RYR2: variants seen among roughly 807,000 people sequenced by gnomAD.
RYR2 encodes the protein cardiac muscle ryanodine receptor-calcium release channel.
Under a neutral mutation model 601.1 loss-of-function variants are expected in RYR2, and 227 were observed. That is an observed-to-expected ratio of 0.38 (90% confidence interval 0.34 to 0.42). The LOEUF is 0.42. Among genes scored for constraint, RYR2 ranks in the 10% least tolerant of loss-of-function variants. The pLI is 1.00. For missense variants in RYR2, 4,646 were observed against 6,156.5 expected (o/e 0.75, Z 8.21); for synonymous variants, 2,223 against 2,175.1 (o/e 1.02, Z -0.61).
chr1:237,288,377 A>G (rs1331385508), intron 2 of RYR2, among the ~76,000 whole-genome samples: 1 of 151,924 alleles, frequency 6.6e-6, no homozygotes, highest in African/African-American at 2.4e-5. Flanking sequence ...AGAGCTCCCA[A>G]GATTATATGT....
rs369607758 is a variant in RYR2, at chr1:237,128,061, C to T, written c.48+85492C>T. On this transcript the variant is annotated intron_variant, in intron 1 of 104. Transcript: ENST00000366574. ...CTGGGAGGTGGAGGTTGTAGCGAGC[C>T]GAGATCACGCCACTGCACTCCAGCC... 1.9e-3 allele frequency among the ~76,000 whole-genome samples: 296 copies of T among 152,160 alleles called. 2 individuals are homozygous for T. The East Asian group carries it at 0.021, about 11-fold the overall frequency.
chr1:237,778,739 T>G lies in RYR2; in HGVS notation c.11849T>G (p.Val3950Gly). 1.2e-6 allele frequency: 2 copies of G among 1,610,692 alleles called. No individual in the cohort carries two copies. The highest frequency in any genetic ancestry group is 1.7e-6 in the Non-Finnish European group (2 of 1,176,976). Residue 3950 changes from valine to glycine, a missense_variant, in exon 88 of 105, where the codon GTG (valine) becomes GGG (glycine). Physicochemically the swap from Val to Gly is moderately radical, Grantham distance 109 (BLOSUM62 -3). This residue lies in a region of RYR2 where 90 missense variants were observed against 213.3 expected (regional missense o/e 0.42). Transcript: ENST00000366574. ...LWDAVVGFLH[V>G]FAHMQMKLSQ... is the part of the protein sequence containing the mutation. Reference sequence around the variant, plus strand: ...GATGCTGTGGTCGGCTTTCTTCATGTGTTTGCCCATATGCAGATGAAGCTG... The same window carrying G: ...GATGCTGTGGTCGGCTTTCTTCATGGGTTTGCCCATATGCAGATGAAGCTG...
intron 1 of RYR2, among the ~76,000 whole-genome samples, chr1:237,053,334 C>T (rs571413961): frequency 2.2e-4 from 34 of 152,224 alleles, no homozygotes; most frequent in African/African-American, 8.2e-4. Flanking sequence ...TGAGATGAAA[C>T]GTTTTTGATT....
intron 23 of RYR2, among the ~76,000 whole-genome samples, chr1:237,508,943 C>A (rs60454520): frequency 6.6e-6 from 1 of 150,890 alleles, no homozygotes; most frequent in East Asian, 1.9e-4. Flanking sequence ...GGGGTTTCAC[C>A]GTGTTAGCCA....
chr1:237,402,123 G>A (rs1703397046), intron 10 of RYR2, among the ~76,000 whole-genome samples: 1 of 151,912 alleles, frequency 6.6e-6, no homozygotes, highest in Non-Finnish European at 1.5e-5. Flanking sequence ...ATCTGGTGGG[G>A]TACAGTGTTT....
At chr1:237,709,685 G>A (rs983320946) in intron 70 of RYR2, 118 bp downstream of exon 70, 2 of 541,184 alleles carry the variant, frequency 3.7e-6, no homozygotes, top group African/African-American at 1.9e-5. Flanking sequence ...GAGTTTGAGG[G>A]AATATAAACC....
At chr1:237,625,640 C>T (rs374364209) in intron 39 of RYR2, 21 bp from the exon 40 acceptor site, 12 of 1,600,528 alleles carry the variant, frequency 7.5e-6, no homozygotes, top group Admixed American at 1.8e-5. Flanking sequence ...TTTTTTCTGC[C>T]TCTCTGTTTT....
At chr1:237,652,491 G>T (rs1682858208) in intron 51 of RYR2, among the ~76,000 whole-genome samples, 1 of 152,110 alleles carries the variant, frequency 6.6e-6, no homozygotes, top group Non-Finnish European at 1.5e-5. Flanking sequence ...TGGCTACCCA[G>T]TACTAGTGCT....
At chr1:237,146,409 G>A (rs941421868) in intron 1 of RYR2, among the ~76,000 whole-genome samples, 3 of 152,190 alleles carry the variant, frequency 2.0e-5, no homozygotes, top group Non-Finnish European at 2.9e-5. Flanking sequence ...TTGACTTGGA[G>A]AGGAATGCGT....
rs766330093 is a variant in RYR2, at chr1:237,493,066, G to A, written c.1940G>A (p.Arg647His). Reference sequence around the variant, plus strand: ...GGAAGAGACTTGTTATTGCAGACACGTCTTGTGAACCATGTCAGCAGGTAA... The same window carrying A: ...GGAAGAGACTTGTTATTGCAGACACATCTTGTGAACCATGTCAGCAGGTAA... ...LPGRDLLLQT[R>H]LVNHVSSMRP... The change falls in exon 19 of 105, where the codon CGT becomes CAT. Residue 647 changes from arginine (R) to histidine (H), a missense_variant. Around this residue, in one of 17 missense-constraint regions of RYR2, gnomAD observed 1,807 missense variants for 2,088.1 expected, o/e 0.87. Transcript: ENST00000366574. 2.2e-5 allele frequency: 36 copies of A among 1,613,522 alleles called. No homozygotes were observed. The highest frequency in any genetic ancestry group is 3.3e-5 in the Admixed American group (2 of 59,968).
At chr1:237,805,425 A>G (rs2149434256) in intron 98 of RYR2, among the ~76,000 whole-genome samples, 1 of 152,064 alleles carries the variant, frequency 6.6e-6, no homozygotes, top group South Asian at 2.1e-4. Context: ...CTAAAAATAC[A>G]AAATAATTAG....
chr1:237,641,773 C>T (rs965852105), intron 47 of RYR2, among the ~76,000 whole-genome samples: 9 of 152,202 alleles, frequency 5.9e-5, no homozygotes, highest in African/African-American at 2.2e-4. Context: ...AACTCCTAAC[C>T]TCAAGTGATC....
At position 237,631,925 on chromosome 1, in the gene RYR2, G is replaced by T. The variant is rs1759120; in HGVS notation, c.6555+384G>T. ...TGGGATTACAGGCGTGAGCCACCGC[G>T]CCCAGCCCAGATTGTAGATTCTTAA... On this transcript the variant is annotated intron_variant, in intron 42 of 104. Coordinates refer to ENST00000366574, the MANE Select transcript of RYR2 (RefSeq NM_001035.3). Among the ~76,000 whole-genome samples the T allele has an allele frequency of 2.2e-4, 33 of 151,660 alleles. No individual in the cohort carries two copies. In the South Asian group the frequency reaches 5.0e-3, roughly 23 times the overall value.
At chr1:237,265,921 C>A (rs1689015602) in intron 1 of RYR2, among the ~76,000 whole-genome samples, 1 of 152,176 alleles carries the variant, frequency 6.6e-6, no homozygotes, top group African/African-American at 2.4e-5. Context: ...TTCCATTTAT[C>A]TGATTGCTCT....
At chr1:237,603,499 C>G (rs1439713821) in intron 35 of RYR2, among the ~76,000 whole-genome samples, 1 of 152,208 alleles carries the variant, frequency 6.6e-6, no homozygotes. Context: ...ACCATCGATG[C>G]TAGGAAGAAA....
In RYR2 at chr1:237,700,222, T is replaced by G. The variant is rs1466669135; in HGVS notation, c.9129-7T>G. ...AAGATACGAGTCCTCCCTTATTTACTTTCTAGGACAGTGATGAAGACTGGC... is the reference window on the plus strand; with the variant it reads ...AAGATACGAGTCCTCCCTTATTTACGTTCTAGGACAGTGATGAAGACTGGC... On this transcript the variant is annotated splice_polypyrimidine_tract_variant and splice_region_variant and intron_variant, in intron 64 of 104. Coordinates refer to ENST00000366574, the MANE Select transcript of RYR2 (RefSeq NM_001035.3). 6.6e-7 allele frequency: 1 copy of G among 1,510,942 alleles called. No individual in the cohort carries two copies. 93.6% of individuals were successfully genotyped at this position (1,510,942 alleles called of 1,614,324 possible). A position where few individuals can be genotyped will look rare whatever the true frequency, so the allele number is the denominator to read the frequency against.
At chr1:237,366,724 T>TGA (rs1371812314) in intron 5 of RYR2, among the ~76,000 whole-genome samples, 1 of 151,828 alleles carries the variant, frequency 6.6e-6, no homozygotes, top group African/African-American at 2.4e-5. Flanking sequence ...TATATATATA[T>TGA]ATGAAATGTG....
intron 48 of RYR2, among the ~76,000 whole-genome samples, chr1:237,646,941 G>A (rs896474820): frequency 3.3e-5 from 5 of 152,192 alleles, no homozygotes; most frequent in Non-Finnish European, 7.3e-5. Context: ...ACAGGCAGAT[G>A]CATTTGTGGC....
At chr1:237,209,356 T>C (rs1233336082) in intron 1 of RYR2, among the ~76,000 whole-genome samples, 1 of 152,112 alleles carries the variant, frequency 6.6e-6, no homozygotes, top group African/African-American at 2.4e-5. Context: ...ACATTTGCTC[T>C]ATCCATTTAT....
Sources: allele counts gnomAD v4.1 joint callset (sites outside exome capture counted in the v4.1 genomes callset), GRCh38; gene constraint gnomAD v4.1.1; regional missense constraint gnomAD v4.1.1; transcripts MANE v1.5; gene names NCBI Gene and HGNC (gene_info 2026-07-23, HGNC 2026-07-21).